The following ZFP90 variants were observed in gnomAD, a reference collection of about 807,000 sequenced individuals.
The protein encoded by ZFP90 is zinc finger protein 90 homolog.
A neutral mutation model predicts 60.8 loss-of-function variants in ZFP90; 38 were observed. That is an observed-to-expected ratio of 0.62 (90% CI 0.48 to 0.82). The LOEUF (loss-of-function observed/expected upper bound fraction) is 0.82, where lower values mean the gene tolerates loss of function less well. ZFP90 is among the 40% of genes least tolerant of loss of function. ZFP90 has a pLI of 0.00. For missense variants in ZFP90, 711 were observed against 759.1 expected (o/e 0.94, Z 0.74); for synonymous variants, 287 against 264.8 (o/e 1.08, Z -0.82).
In ZFP90 at chr16:68,566,137, A is replaced by G. The variant is rs1343384379; in HGVS notation, c.*1439A>G. 6 of 973,578 alleles carry G rather than the reference A, an allele frequency of 6.2e-6. No homozygotes were observed. Among genetic ancestry groups the G allele is most frequent in the Non-Finnish European group, 7.3e-6 (6 of 824,308 alleles). The allele number at this position is 973,578 out of a possible 1,614,324, so 60.3% of individuals were successfully genotyped here. ...AACAGAGCAAGACACACACACATCA[A>G]TTTATTTTAGTTGTATAATGCTTTT... On this transcript the variant is annotated 3_prime_UTR_variant, in exon 5 of 5. Coordinates refer to ENST00000563169, the MANE Select transcript of ZFP90 (RefSeq NM_001305203.2).
intron 2 of ZFP90, among the ~76,000 whole-genome samples, chr16:68,546,459 A>G (rs1045391399): frequency 1.3e-5 from 2 of 152,154 alleles, no homozygotes; most frequent in Admixed American, 6.5e-5. Context: ...TCTGCTTTCT[A>G]TCTCTATGAT....
rs944924725 is a variant in ZFP90 at position 68,564,413 on chromosome 16, A to G, written c.1626A>G (p.Gln542=). ...TTAGTCGACGCTCATCGCTTACTCA[A>G]CATGAGAGAACCCACACTGGAGAGA... ...EAFSRRSSLT[Q]HERTHTGEKP... The change falls in exon 5 of 5, where the codon CAA becomes CAG. Residue 542 remains glutamine, a synonymous_variant. Coordinates refer to ENST00000563169, the MANE Select transcript of ZFP90 (RefSeq NM_001305203.2). 3.1e-6 allele frequency: 5 copies of G among 1,613,804 alleles called. No homozygotes were observed. The highest frequency in any genetic ancestry group is 2.2e-5 in the South Asian group (2 of 91,062).
intron 4 of ZFP90, among the ~76,000 whole-genome samples, chr16:68,561,245 GTA>G (rs1555499777): frequency 6.6e-6 from 1 of 152,102 alleles, no homozygotes; most frequent in Non-Finnish European, 1.5e-5. Context: ...ATTACTCTCT[GTA>G]CTTTACTATA....
At chr16:68,534,627 C>T (rs1012171627), upstream of ZFP90, among the ~76,000 whole-genome samples, 3 of 151,368 alleles carry the variant, frequency 2.0e-5, no homozygotes, top group East Asian at 2.0e-4. Flanking sequence ...TTTTGACAGC[C>T]GGGCACAGTG....
chr16:68,560,396 T>A (rs2091418423), intron 4 of ZFP90, among the ~76,000 whole-genome samples: 1 of 152,142 alleles, frequency 6.6e-6, no homozygotes, highest in Non-Finnish European at 1.5e-5. Flanking sequence ...GGCACTGGCT[T>A]CTTTCACTTA....
rs758442037 is a variant in ZFP90, at chr16:68,563,429, T to A, written c.642T>A (p.Asp214Glu). Residue 214 changes from aspartate (D) to glutamate (E), a missense_variant, in exon 5 of 5, where the codon GAT becomes GAA. Physicochemically the swap from Asp to Glu is conservative, Grantham distance 45. Coordinates refer to ENST00000563169, the MANE Select transcript of ZFP90 (RefSeq NM_001305203.2). ...ILAKKKPYKC[D>E]KCRKAFIHRS... Reference sequence around the variant, plus strand: ...CAAAAAAGAAACCCTATAAGTGTGATAAATGTAGAAAAGCCTTTATTCATA... The same window carrying A: ...CAAAAAAGAAACCCTATAAGTGTGAAAAATGTAGAAAAGCCTTTATTCATA... 29 of 1,613,156 alleles carry A rather than the reference T, an allele frequency of 1.8e-5. 2 individuals are homozygous for A. In the South Asian group the frequency reaches 3.2e-4, roughly 18 times the overall value.
chr16:68,567,427 C>T (rs1232167845), downstream of ZFP90, among the ~76,000 whole-genome samples: 1 of 152,134 alleles, frequency 6.6e-6, no homozygotes, highest in Non-Finnish European at 1.5e-5. Context: ...TCAGGATGTC[C>T]CTGGGGCTCA....
chr16:68,556,791 G>A (rs898424031), intron 2 of ZFP90, among the ~76,000 whole-genome samples: 4 of 152,158 alleles, frequency 2.6e-5, no homozygotes, highest in Non-Finnish European at 5.9e-5. Flanking sequence ...CACAAAATGC[G>A]ATGGATAGTG....
intron 2 of ZFP90, among the ~76,000 whole-genome samples, chr16:68,543,798 A>T (rs1234790605): frequency 6.7e-6 from 1 of 149,866 alleles, no homozygotes; most frequent in Admixed American, 6.7e-5. Context: ...TGACCTCATG[A>T]TCTGCCTGTC....
At chr16:68,545,862 G>A (rs1255765996) in intron 2 of ZFP90, among the ~76,000 whole-genome samples, 1 of 151,992 alleles carries the variant, frequency 6.6e-6, no homozygotes, top group East Asian at 1.9e-4. Flanking sequence ...ACTTTTCCGT[G>A]TTGTATTACT....
At chr16:68,570,051 C>CGTGT (rs3053783), downstream of ZFP90, among the ~76,000 whole-genome samples, 35 of 150,268 alleles carry the variant, frequency 2.3e-4, 1 homozygote, top group East Asian at 7.9e-4. Flanking sequence ...TGTGTGTATA[C>CGTGT]GTGTGTGTGT....
chr16:68,557,107 C>G, intron 2 of ZFP90: 1 of 441,582 alleles, frequency 2.3e-6, no homozygotes, highest in Admixed American at 2.4e-5. Context: ...TCCAGCTCAG[C>G]CTCCTGAGTA....
chr16:68,574,457 AT>A (rs1341355055), intron 2 of ZFP90, among the ~76,000 whole-genome samples: 6 of 148,938 alleles, frequency 4.0e-5, no homozygotes, highest in African/African-American at 1.5e-4. Flanking sequence ...TTAGGCCTGA[AT>A]TTCCCACAGA....
rs139615934 is a variant in ZFP90, at chr16:68,540,553, A to G, written c.33+728A>G. ...TCTAAGGTTATCCATTGATTTACAT[A>G]TTGGTGAAAATACATCAAGATCCAG... On this transcript the variant is annotated intron_variant, in intron 2 of 4. Transcript: ENST00000563169. Among the ~76,000 whole-genome samples, 64 of 152,292 alleles carry G rather than the reference A, an allele frequency of 4.2e-4. 1 individual carries two copies. Among genetic ancestry groups the G allele is most frequent in the African/African-American group, 1.4e-3 (60 of 41,558 alleles).
chr16:68,541,923 G>A (rs893950710), intron 2 of ZFP90, among the ~76,000 whole-genome samples: 15 of 152,132 alleles, frequency 9.9e-5, no homozygotes, highest in African/African-American at 3.6e-4. Context: ...TTCCCTGAAC[G>A]CCCTGGCTCA....
In ZFP90 at chr16:68,567,064, T is replaced by C. The variant is rs934573919; in HGVS notation, c.*2366T>C. ...ATGCACTTATGGATACCCAGCCTTT[T>C]AGGGCTACGTGAAATGCATCCTTGT... On this transcript the variant is annotated 3_prime_UTR_variant, in exon 5 of 5. Transcript: ENST00000563169. 12 of 985,568 alleles carry C rather than the reference T, an allele frequency of 1.2e-5. No homozygotes were observed. Among genetic ancestry groups the C allele is most frequent in the Non-Finnish European group, 1.4e-5 (12 of 829,930 alleles). 61.1% of individuals were successfully genotyped at this position (985,568 alleles called of 1,614,324 possible). A position where few individuals can be genotyped will look rare whatever the true frequency, so the allele number is the denominator to read the frequency against.
chr16:68,560,541 A>C (rs138169194), intron 4 of ZFP90, among the ~76,000 whole-genome samples: 46 of 44,816 alleles, frequency 1.0e-3, no homozygotes, highest in Middle Eastern at 0.017. Flanking sequence ...ACTGGATTTT[A>C]TTTATTTATT....
At chr16:68,539,719 G>T in intron 1 of ZFP90, 39 bp from the exon 2 acceptor site, 1 of 1,472,766 alleles carries the variant, frequency 6.8e-7, no homozygotes, top group Admixed American at 2.1e-5. Context: ...TGGGGTCGGT[G>T]TTGCAGCGGG....
chr16:68,543,951 C>G (rs1216282743), intron 2 of ZFP90, among the ~76,000 whole-genome samples: 2 of 150,522 alleles, frequency 1.3e-5, no homozygotes, highest in African/African-American at 4.9e-5. Context: ...CTCCCAGGTT[C>G]AAGCAATTCT....
Sources: gnomAD v4.1 joint callset for allele counts (sites outside exome capture counted in the v4.1 genomes callset) on GRCh38, gnomAD v4.1.1 for gene constraint, MANE v1.5 for transcripts, NCBI Gene and HGNC (gene_info 2026-07-23, HGNC 2026-07-21) for gene names.